Variants in SETX observed in about 807,000 individuals in gnomAD.
SETX encodes the protein helicase senataxin.
A neutral mutation model predicts 227.2 loss-of-function variants in SETX; 90 were observed. The ratio of observed to expected loss-of-function variants is 0.40; its 90% CI spans 0.33 to 0.47. The LOEUF is 0.47. Among genes scored for constraint, SETX ranks in the 20% least tolerant of loss-of-function variants. SETX has a pLI of 0.91. For synonymous variants in SETX, 1,210 were observed against 1,113.2 expected (o/e 1.09, Z -1.73); for missense variants, 3,052 against 3,181.5 (o/e 0.96, Z 0.98).
chr9:132,325,085 A>G (rs945773653), intron 10 of SETX, among the ~76,000 whole-genome samples: 5 of 152,332 alleles, frequency 3.3e-5, no homozygotes, highest in East Asian at 1.9e-4. Flanking sequence ...GGCCAGACGC[A>G]GTGGCTCACG....
chr9:132,283,027 T>C, intron 19 of SETX: 1 of 540,652 alleles, frequency 1.8e-6, no homozygotes, highest in Non-Finnish European at 3.3e-6. Flanking sequence ...CAGCAGAGAT[T>C]TTGTTAGAAA....
Position 132,281,531 on chromosome 9 carries a change from T to A in SETX, c.6590A>T (p.His2197Leu). 1 of 1,614,074 alleles carries A rather than the reference T, an allele frequency of 6.2e-7. No individual in the cohort carries two copies. Among genetic ancestry groups the A allele is most frequent in the South Asian group, 1.1e-5 (1 of 91,074 alleles). Residue 2197 changes from histidine to leucine, a missense_variant, in exon 20 of 26, where the codon CAT (histidine) becomes CTT (leucine). Around this residue, in one of 10 missense-constraint regions of SETX, gnomAD observed 412 missense variants for 589.0 expected, o/e 0.70. Transcript: ENST00000224140. ...TACTAGGATGAGCTTATTGCAGCGA[T>A]GGATGAGTGGAGTAAGAGTCTCAAT... ...CEIETLTPLIHRCNKLILVGD... is the reference protein window; with the variant it reads ...CEIETLTPLILRCNKLILVGD...
At chr9:132,354,415 G>T (rs1483657298) in intron 1 of SETX, among the ~76,000 whole-genome samples, 3 of 150,810 alleles carry the variant, frequency 2.0e-5, no homozygotes, top group African/African-American at 7.3e-5. Context: ...AGGATCGCTG[G>T]AGCCCAGGAA....
intron 2 of SETX, among the ~76,000 whole-genome samples, chr9:132,352,056 C>T (rs1848631833): frequency 6.6e-6 from 1 of 152,228 alleles, no homozygotes; most frequent in Admixed American, 6.5e-5. Context: ...TCTCTTTCTT[C>T]TACACTTCTC....
In SETX at chr9:132,277,120, C is replaced by T; in HGVS notation, c.6875G>A (p.Trp2292Ter). Residue 2292 changes from tryptophan (W) to a stop codon, truncating the protein, a stop_gained, in exon 22 of 26, where the codon TGG (tryptophan) becomes TAG (stop). Transcript: ENST00000224140. LOFTEE classifies it high-confidence loss of function. ...QTEAIRCSSD[W>*]PFQPYLVFDV... ...AAACACAAGGTATGGCTGAAATGGC[C>T]AATCTGATGAACATCGAATGGCTTC... The T allele has an allele frequency of 6.2e-7, 1 of 1,612,912 alleles. No individual in the cohort carries two copies. Among genetic ancestry groups the T allele is most frequent in the Non-Finnish European group, 8.5e-7 (1 of 1,179,778 alleles).
intron 20 of SETX, among the ~76,000 whole-genome samples, chr9:132,280,506 G>A (rs1589630417): frequency 6.6e-6 from 1 of 152,266 alleles, no homozygotes. Context: ...TGGGTGACGG[G>A]TGTGCTTCTG....
rs568620517 is a variant in SETX at position 132,309,316 on chromosome 9, T to C, written c.5374+2441A>G. On this transcript the variant is annotated intron_variant, in intron 11 of 25. Transcript: ENST00000224140. Reference sequence around the variant, plus strand: ...GTGGACTCCAGACGCATGACAAACATAGCAGTGCAGTGAAGCACAAATGGT... The same window carrying C: ...GTGGACTCCAGACGCATGACAAACACAGCAGTGCAGTGAAGCACAAATGGT... 6.6e-5 allele frequency among the ~76,000 whole-genome samples: 10 copies of C among 151,566 alleles called. No individual in the cohort carries two copies. In the South Asian group the frequency reaches 1.5e-3, roughly 22 times the overall value.
At chr9:132,269,435 G>A (rs1564468844) in intron 25 of SETX, 180 bp downstream of exon 25, 2 of 1,574,922 alleles carry the variant, frequency 1.3e-6, no homozygotes, top group Non-Finnish European at 1.7e-6. Flanking sequence ...TTGGGTTCTG[G>A]GCTGAAAAAA....
Position 132,264,270 on chromosome 9 carries a change from T to A in SETX, c.8003A>T (p.Asp2668Val), listed in dbSNP as rs1239738395. The change falls in exon 26 of 26, where the codon GAC (aspartate) becomes GTC (valine). Residue 2668 changes from aspartate (D) to valine (V), a missense_variant. Around this residue, in one of 10 missense-constraint regions of SETX, gnomAD observed 294 missense variants for 278.8 expected, o/e 1.05. Transcript: ENST00000224140. ...AAGCTTTCTTTTCTTGGAACTGCTG[T>A]CCTCCTGCTCCAGTGTCCTCTTGTC... ...RWDKRTLEQEDSSSKKRKLL is the reference protein window; with the variant it reads ...RWDKRTLEQEVSSSKKRKLL The A allele has an allele frequency of 6.2e-7, 1 of 1,614,082 alleles. No individual in the cohort carries two copies. Among genetic ancestry groups the A allele is most frequent in the African/African-American group, 1.3e-5 (1 of 74,934 alleles).
rs150962706 is a variant in SETX, at chr9:132,320,280, A to C, written c.5274+6044T>G. 1.7e-3 allele frequency among the ~76,000 whole-genome samples: 254 copies of C among 151,434 alleles called. 2 individuals carry two copies. Among genetic ancestry groups the C allele is most frequent in the East Asian group, 9.7e-3 (50 of 5,150 alleles). On this transcript the variant is annotated intron_variant, in intron 10 of 25. Coordinates refer to ENST00000224140, the MANE Select transcript of SETX (RefSeq NM_015046.7). ...GATATAAACCAAATTTGGTAACCCC[A>C]AAAAAAAAGTCTAGGCCGGGCGCAG...
rs149336820 is a variant in SETX, at chr9:132,301,451, C to T, written c.5375-648G>A. Among the ~76,000 whole-genome samples the T allele has an allele frequency of 3.1e-3, 478 of 152,104 alleles. 4 individuals are homozygous for T. Among genetic ancestry groups the T allele is most frequent in the African/African-American group, 0.011 (454 of 41,490 alleles). On this transcript the variant is annotated intron_variant, in intron 11 of 25. Transcript: ENST00000224140. ...ACTTTCAAAACCCCCGAAGAAAATT[C>T]GGAAACAGATCCAAGTAGTTATACA...
chr9:132,313,329 G>A (rs1216849910), intron 10 of SETX, among the ~76,000 whole-genome samples: 3 of 152,120 alleles, frequency 2.0e-5, no homozygotes, highest in South Asian at 2.1e-4. Flanking sequence ...AGATTTACCT[G>A]AGAGTACCTA....
intron 10 of SETX, among the ~76,000 whole-genome samples, chr9:132,324,773 T>C (rs1846597549): frequency 6.6e-6 from 1 of 152,186 alleles, no homozygotes; most frequent in Admixed American, 6.5e-5. Context: ...GAACCATGAC[T>C]ATTTACCTCA....
At chr9:132,318,533 G>A (rs1268903648) in intron 10 of SETX, among the ~76,000 whole-genome samples, 1 of 152,084 alleles carries the variant, frequency 6.6e-6, no homozygotes, top group Non-Finnish European at 1.5e-5. Flanking sequence ...GAGAGTCATG[G>A]GGATACAACT....
At chr9:132,324,955 G>A (rs1016288532) in intron 10 of SETX, among the ~76,000 whole-genome samples, 13 of 152,142 alleles carry the variant, frequency 8.5e-5, no homozygotes, top group African/African-American at 2.7e-4. Context: ...AAATTTTAAC[G>A]GGAATCTTAT....
intron 12 of SETX, among the ~76,000 whole-genome samples, chr9:132,298,722 A>G (rs111345433): frequency 6.6e-5 from 10 of 152,358 alleles, no homozygotes; most frequent in African/African-American, 2.4e-4. Context: ...AAAGATCGTA[A>G]GACAGAGATG....
chr9:132,342,881 G>T, intron 4 of SETX, 82 bp from the exon 5 acceptor site: 1 of 1,020,942 alleles, frequency 9.8e-7, no homozygotes, highest in Non-Finnish European at 1.5e-6. Context: ...GGGCTATTCT[G>T]TAAATAAATA....
rs373159204 is a variant in SETX, at chr9:132,301,197, A to C, written c.5375-394T>G. 7.5e-4 allele frequency among the ~76,000 whole-genome samples: 110 copies of C among 146,608 alleles called. 1 individual carries two copies. The highest frequency in any genetic ancestry group is 2.1e-3 in the African/African-American group (83 of 39,746). On this transcript the variant is annotated intron_variant, in intron 11 of 25. Transcript: ENST00000224140. The stretch of plus-strand genomic sequence containing the variant: ...AAGCTCAGCCTCCCAGGTTCTCGCC[A>C]TTCTCCTGCCTTAGCCTCCCAAATA...
At chr9:132,269,352 C>T in intron 25 of SETX, 2 of 1,341,344 alleles carry the variant, frequency 1.5e-6, no homozygotes, top group Non-Finnish European at 1.0e-6. Flanking sequence ...GTTTAATATA[C>T]CTTCTTAACA....
Sources: gnomAD v4.1 joint callset for allele counts (sites outside exome capture counted in the v4.1 genomes callset) on GRCh38, gnomAD v4.1.1 for gene constraint, gnomAD v4.1.1 regional missense constraint, MANE v1.5 for transcripts, NCBI Gene and HGNC (gene_info 2026-07-23, HGNC 2026-07-21) for gene names.